The following PTPRT variants were observed in gnomAD, a reference collection of about 807,000 sequenced individuals.
PTPRT encodes the protein protein tyrosine phosphatase receptor type T, also known as receptor-type tyrosine-protein phosphatase T.
PTPRT carries 56 observed loss-of-function variants against 176.8 expected under a neutral mutation model. The ratio of observed to expected loss-of-function variants is 0.32; its 90% CI spans 0.26 to 0.40. The LOEUF is 0.40. Ranked by LOEUF, PTPRT falls within the 10% of genes least tolerant of loss-of-function variation. The pLI is 1.00. For missense variants in PTPRT, 1,540 were observed against 1,908.2 expected, an observed-to-expected ratio of 0.81 and a Z score of 3.60; for synonymous variants, 783 against 739.0, an observed-to-expected ratio of 1.06 and a Z score of -0.96.
intron 1 of PTPRT, among the ~76,000 whole-genome samples, chr20:43,187,253 A>C (rs557310322): frequency 6.6e-6 from 1 of 152,364 alleles, no homozygotes; most frequent in East Asian, 1.9e-4. Flanking sequence ...GATCAAAAGA[A>C]CATGGAAAAC....
chr20:42,558,508 G>T (rs1490689385), intron 7 of PTPRT, among the ~76,000 whole-genome samples: 1 of 151,988 alleles, frequency 6.6e-6, no homozygotes, highest in Non-Finnish European at 1.5e-5. Context: ...GGGTCTAATG[G>T]TATTTCTGTT....
intron 7 of PTPRT, among the ~76,000 whole-genome samples, chr20:42,656,514 T>C (rs534821429): frequency 2.0e-5 from 3 of 152,244 alleles, no homozygotes; most frequent in African/African-American, 7.2e-5. Context: ...GAATGTCAAC[T>C]CATAATAGCT....
intron 1 of PTPRT, among the ~76,000 whole-genome samples, chr20:43,167,609 T>A (rs1375511353): frequency 6.6e-6 from 1 of 152,216 alleles, no homozygotes; most frequent in African/African-American, 2.4e-5. Context: ...TGACGGGATA[T>A]CATTTATGTG....
intron 2 of PTPRT, among the ~76,000 whole-genome samples, chr20:42,826,412 A>G (rs1456698784): frequency 6.6e-6 from 1 of 152,222 alleles, no homozygotes; most frequent in Admixed American, 6.5e-5. Context: ...CATGCAATAC[A>G]TAGACTCAAA....
At chr20:42,176,099 T>C (rs1990280275) in intron 16 of PTPRT, among the ~76,000 whole-genome samples, 1 of 152,220 alleles carries the variant, frequency 6.6e-6, no homozygotes, top group African/African-American at 2.4e-5. Flanking sequence ...GTAAGCTCCA[T>C]GAAGACAGGT....
chr20:42,972,659 G>A (rs1304012562), intron 1 of PTPRT, among the ~76,000 whole-genome samples: 1 of 106,162 alleles, frequency 9.4e-6, no homozygotes, highest in African/African-American at 3.6e-5. Flanking sequence ...AACAGAATGA[G>A]ACTCCGTCTC....
intron 11 of PTPRT, among the ~76,000 whole-genome samples, chr20:42,327,117 CAGAG>C (rs1168405167): frequency 7.3e-6 from 1 of 136,544 alleles, no homozygotes; most frequent in Admixed American, 7.2e-5. Context: ...GTGTGTATGA[CAGAG>C]AGAGAGAAAC....
At chr20:42,321,292 C>T (rs1471913099) in intron 11 of PTPRT, among the ~76,000 whole-genome samples, 1 of 152,124 alleles carries the variant, frequency 6.6e-6, no homozygotes, top group Non-Finnish European at 1.5e-5. Flanking sequence ...TTTCAGAATG[C>T]TTATTCCTTG....
At chr20:42,513,072 C>T (rs8125771) in intron 7 of PTPRT, among the ~76,000 whole-genome samples, 14,396 of 151,986 alleles carry the variant, frequency 0.095, 1,377 homozygotes, top group African/African-American at 0.25. Flanking sequence ...GTTGGCCAGG[C>T]TGGTCTCGAA....
intron 1 of PTPRT, among the ~76,000 whole-genome samples, chr20:43,083,345 T>TATAC (rs2011504931): frequency 8.5e-6 from 1 of 117,376 alleles, no homozygotes; most frequent in African/African-American, 3.1e-5. Context: ...TATATATATA[T>TATAC]ATATATATAT....
intron 6 of PTPRT, among the ~76,000 whole-genome samples, chr20:42,694,161 C>T (rs111355579): frequency 0.083 from 12,612 of 151,832 alleles, 582 homozygotes; most frequent in South Asian, 0.16. Context: ...GCCTCAGCCT[C>T]TCAAGTAGCT....
At chr20:42,638,273 G>C (rs1424544850) in intron 7 of PTPRT, among the ~76,000 whole-genome samples, 1 of 152,114 alleles carries the variant, frequency 6.6e-6, no homozygotes. Context: ...AACAGATTGG[G>C]ATAGACTGGG....
At chr20:42,195,779 CTG>C (rs941929418) in intron 16 of PTPRT, among the ~76,000 whole-genome samples, 39 of 152,272 alleles carry the variant, frequency 2.6e-4, no homozygotes, top group African/African-American at 9.1e-4. Flanking sequence ...ATACCTCTCT[CTG>C]TATATTTACG....
rs1491342115 is a variant in PTPRT, at chr20:42,633,818, T to TATATATAA, written c.1153+44047_1153+44048insTTATATAT. Among the ~76,000 whole-genome samples, 176 of 57,684 alleles carry TATATATAA rather than the reference T, an allele frequency of 3.1e-3. 5 individuals carry two copies. Among genetic ancestry groups the TATATATAA allele is most frequent in the African/African-American group, 0.014 (172 of 12,284 alleles). 37.8% of individuals were successfully genotyped at this position (57,684 alleles called of 152,430 possible). On this transcript the variant is annotated intron_variant, in intron 7 of 30. Coordinates refer to ENST00000373187, the MANE Select transcript of PTPRT (RefSeq NM_007050.6). ...ATATATATATATATATATATATATA[T>TATATATAA]AATAAAATATTAATATATTATAATA...
Position 42,483,682 on chromosome 20 carries a change from T to C in PTPRT, c.1154-11120A>G, listed in dbSNP as rs1601107637. ...AACCCAGAGTCAAATATAATCCAGA[T>C]TCACAAAGCAGCCTATTGACTGAGG... is the stretch of plus-strand genomic sequence containing the variant. On this transcript the variant is annotated intron_variant, in intron 7 of 30. Transcript: ENST00000373187. Among the ~76,000 whole-genome samples, 3 of 152,202 alleles carry C rather than the reference T, an allele frequency of 2.0e-5. No homozygotes were observed. The South Asian group carries it at 6.2e-4, about 32-fold the overall frequency.
At chr20:42,856,922 G>C (rs1157648616) in intron 2 of PTPRT, among the ~76,000 whole-genome samples, 1 of 152,104 alleles carries the variant, frequency 6.6e-6, no homozygotes, top group Non-Finnish European at 1.5e-5. Context: ...GCAACAGCTG[G>C]GGTGCAGTAA....
At chr20:43,171,610 T>C (rs2015002482) in intron 1 of PTPRT, among the ~76,000 whole-genome samples, 1 of 152,194 alleles carries the variant, frequency 6.6e-6, no homozygotes, top group Non-Finnish European at 1.5e-5. Context: ...GGATTAATGG[T>C]GTGTCTTTGT....
intron 19 of PTPRT, among the ~76,000 whole-genome samples, chr20:42,120,868 A>C (rs1429962283): frequency 6.6e-6 from 1 of 152,248 alleles, no homozygotes; most frequent in Non-Finnish European, 1.5e-5. Flanking sequence ...AAAATTTTTA[A>C]AGAACACAGA....
chr20:42,086,753 A>AAATATATATATAT (rs1983991312), intron 27 of PTPRT, among the ~76,000 whole-genome samples: 1 of 95,548 alleles, frequency 1.0e-5, no homozygotes, highest in African/African-American at 4.9e-5. Flanking sequence ...AAAAAAAAAA[A>AAATATATATATAT]ATATATATAT....
Sources: gnomAD v4.1 joint callset for allele counts (sites outside exome capture counted in the v4.1 genomes callset) on GRCh38, gnomAD v4.1.1 for gene constraint, MANE v1.5 for transcripts, NCBI Gene and HGNC (gene_info 2026-07-23, HGNC 2026-07-21) for gene names.